Variants in DMD observed in about 807,000 individuals in gnomAD.
The protein encoded by DMD is mutant dystrophin.
DMD carries 63 observed loss-of-function variants against 330.1 expected under a neutral mutation model. The ratio of observed to expected loss-of-function variants is 0.19; its 90% CI spans 0.16 to 0.24. The LOEUF (loss-of-function observed/expected upper bound fraction) is 0.24, where lower values mean the gene tolerates loss of function less well. Among genes scored for constraint, DMD ranks in the 10% least tolerant of loss-of-function variants. DMD has a pLI of 1.00. For synonymous variants in DMD, 1,223 were observed against 959.8 expected (o/e 1.27, Z -5.07); for missense variants, 3,344 against 2,684.1 (o/e 1.25, Z -5.43).
chrX:31,148,145 T>C (rs1488228431), intron 74 of DMD, among the ~76,000 whole-genome samples: 2 of 111,816 alleles, frequency 1.8e-5, no homozygotes, highest in African/African-American at 6.5e-5. Context: ...TCATGCCCAG[T>C]GTTACCATGA....
intron 44 of DMD, among the ~76,000 whole-genome samples, chrX:32,053,677 T>C (rs1442362489): frequency 9.0e-6 from 1 of 111,503 alleles, no homozygotes; most frequent in East Asian, 2.9e-4. Flanking sequence ...ATCTTCCATG[T>C]TCTAAATGTC....
Position 31,295,446 on chromosome X carries a change from C to T in DMD, c.9224+28152G>A, listed in dbSNP as rs186294393. Reference sequence around the variant, plus strand: ...TTGTTTGTTTGTTTGTTGAGACTCGCTCTGTCACCCAGGCTAGAGTGCAAT... The same window carrying T: ...TTGTTTGTTTGTTTGTTGAGACTCGTTCTGTCACCCAGGCTAGAGTGCAAT... On this transcript the variant is annotated intron_variant, in intron 62 of 78. Transcript: ENST00000357033. Among the ~76,000 whole-genome samples the T allele has an allele frequency of 6.8e-3, 755 of 110,781 alleles. 12 individuals are homozygous for T. Among genetic ancestry groups the T allele is most frequent in the African/African-American group, 0.023 (709 of 30,437 alleles).
intron 7 of DMD, among the ~76,000 whole-genome samples, chrX:32,727,736 CATATACATGT>C (rs2067052573): frequency 9.1e-6 from 1 of 110,480 alleles, no homozygotes; most frequent in Non-Finnish European, 1.9e-5. Flanking sequence ...TATATACACA[CATATACATGT>C]ATATACATAC....
At chrX:31,617,297 G>C (rs1415301159) in intron 55 of DMD, among the ~76,000 whole-genome samples, 1 of 111,210 alleles carries the variant, frequency 9.0e-6, no homozygotes, top group East Asian at 2.8e-4. Context: ...CGTTTTGGGA[G>C]GCCGGGGCGG....
chrX:33,168,036 T>A (rs2049145332), intron 1 of DMD, among the ~76,000 whole-genome samples: 1 of 110,982 alleles, frequency 9.0e-6, no homozygotes, highest in Non-Finnish European at 1.9e-5. Context: ...TATTTTGTAA[T>A]GTCAAATCAT....
Position 32,714,114 on chromosome X carries a change from T to C in DMD, c.650-14821A>G, listed in dbSNP as rs1344607054. Among the ~76,000 whole-genome samples the C allele has an allele frequency of 4.5e-5, 5 of 111,735 alleles. No individual in the cohort carries two copies. The Admixed American group carries it at 4.8e-4, about 11-fold the overall frequency. On this transcript the variant is annotated intron_variant, in intron 7 of 78. Coordinates refer to ENST00000357033, the MANE Select transcript of DMD (RefSeq NM_004006.3). ...CACTGCTTTCACACCATCATAAAGT[T>C]GAAAAATCATTAGTCAAACCATCTT...
At chrX:33,320,500 T>G (rs753378756) in intron 1 of DMD, among the ~76,000 whole-genome samples, 1 of 112,250 alleles carries the variant, frequency 8.9e-6, no homozygotes, top group Non-Finnish European at 1.9e-5. Context: ...TGTACATACC[T>G]TAACAAAAAC....
intron 62 of DMD, chrX:31,267,049 C>G (rs2051226320): frequency 2.5e-6 from 1 of 402,103 alleles, no homozygotes; most frequent in Non-Finnish European, 4.0e-6. Flanking sequence ...ACCTGGGAAC[C>G]CGGACACCCA....
At chrX:31,899,623 AT>A (rs766851017) in intron 47 of DMD, among the ~76,000 whole-genome samples, 3 of 110,980 alleles carry the variant, frequency 2.7e-5, no homozygotes, top group Admixed American at 9.6e-5. Flanking sequence ...GGCCTGCAAA[AT>A]TTTTTTTATT....
chrX:31,839,220 C>G (rs1232125457), intron 48 of DMD, among the ~76,000 whole-genome samples: 5 of 111,929 alleles, frequency 4.5e-5, no homozygotes, highest in African/African-American at 1.6e-4. Flanking sequence ...CAAAACACAT[C>G]ACAATTAATC....
intron 1 of DMD, among the ~76,000 whole-genome samples, chrX:33,239,535 C>T (rs747223321): frequency 8.1e-5 from 9 of 111,007 alleles, no homozygotes; most frequent in African/African-American, 1.3e-4. Flanking sequence ...AAATTCTGTT[C>T]GCCCTGATCA....
intron 44 of DMD, among the ~76,000 whole-genome samples, chrX:31,988,031 A>T (rs2095521545): frequency 8.9e-6 from 1 of 112,223 alleles, no homozygotes; most frequent in East Asian, 2.8e-4. Context: ...CCTGTCATTT[A>T]TGACAACATG....
At chrX:32,520,900 A>G (rs1488714281) in intron 17 of DMD, among the ~76,000 whole-genome samples, 2 of 102,777 alleles carry the variant, frequency 1.9e-5, no homozygotes, top group African/African-American at 7.2e-5. Flanking sequence ...AGGAACTATT[A>G]AAACCTTTTA....
At chrX:32,887,747 A>C (rs2084768441) in intron 2 of DMD, among the ~76,000 whole-genome samples, 2 of 64,202 alleles carry the variant, frequency 3.1e-5, no homozygotes, top group African/African-American at 1.2e-4. Context: ...GACTGTCTCA[A>C]AAAAAAAAAA....
chrX:32,116,067 C>T (rs1264051864), intron 44 of DMD, among the ~76,000 whole-genome samples: 1 of 111,828 alleles, frequency 8.9e-6, no homozygotes, highest in Non-Finnish European at 1.9e-5. Flanking sequence ...CCTGCAAGAT[C>T]CCGTGTGATC....
chrX:32,714,007 G>A (rs985357956), intron 7 of DMD, among the ~76,000 whole-genome samples: 4 of 111,599 alleles, frequency 3.6e-5, no homozygotes, highest in African/African-American at 9.8e-5. Flanking sequence ...TGAATATATC[G>A]TGTAATGCAT....
chrX:33,115,520 T>C (rs745340573), intron 1 of DMD, among the ~76,000 whole-genome samples: 1 of 109,482 alleles, frequency 9.1e-6, no homozygotes, highest in African/African-American at 3.3e-5. Flanking sequence ...CATTTCTTTT[T>C]TTTTTTTTCG....
rs920012652 is a variant in DMD at position 31,854,622 on chromosome X, C to T, written c.7099-17803G>A. Among the ~76,000 whole-genome samples the T allele has an allele frequency of 2.7e-5, 3 of 111,734 alleles. No homozygotes were observed. In the Admixed American group the frequency reaches 2.9e-4, roughly 11 times the overall value. On this transcript the variant is annotated intron_variant, in intron 48 of 78. Transcript: ENST00000357033. The stretch of plus-strand genomic sequence containing the variant: ...ACATATGGTGAATCTGAGATTTGAA[C>T]CCTAGTCTTTCTGAGGCAAATCCTG...
intron 44 of DMD, among the ~76,000 whole-genome samples, chrX:32,132,993 C>CTTTTCTTTTTT (rs2096705124): frequency 7.9e-5 from 6 of 75,975 alleles, no homozygotes; most frequent in African/African-American, 4.1e-4. Flanking sequence ...CTTTTCTTTT[C>CTTTTCTTTTTT]TTTTTTTTTT....
Sources: allele counts gnomAD v4.1 joint callset (sites outside exome capture counted in the v4.1 genomes callset), GRCh38; gene constraint gnomAD v4.1.1; transcripts MANE v1.5; gene names NCBI Gene and HGNC (gene_info 2026-07-23, HGNC 2026-07-21).